Variants in HMGB1 observed in about 807,000 individuals in gnomAD.
HMGB1 encodes high mobility group box 1.
For synonymous variants in HMGB1, 81 were observed against 84.0 expected (o/e 0.96, Z 0.19); for missense variants, 79 against 253.5 (o/e 0.31, Z 4.67).
chr13:30,611,650 C>T (rs1186580078), intron 1 of HMGB1, among the ~76,000 whole-genome samples: 1 of 152,024 alleles, frequency 6.6e-6, no homozygotes, highest in Non-Finnish European at 1.5e-5. Context: ...TTTCATCCCG[C>T]CTTGTATGAA....
At chr13:30,545,918 T>A (rs534883567) in intron 1 of HMGB1, among the ~76,000 whole-genome samples, 107 of 152,162 alleles carry the variant, frequency 7.0e-4, no homozygotes, top group African/African-American at 2.4e-3. Flanking sequence ...CCCAAGCTGG[T>A]CTTGAACTCC....
chr13:30,472,366 C>A (rs1417336659), intron 1 of HMGB1, among the ~76,000 whole-genome samples: 1 of 150,892 alleles, frequency 6.6e-6, no homozygotes, highest in East Asian at 2.0e-4. Context: ...TTTGGGAGGC[C>A]GAGGCAGGCG....
intron 1 of HMGB1, among the ~76,000 whole-genome samples, chr13:30,503,889 A>G (rs150349969): frequency 1.7e-3 from 252 of 152,122 alleles, no homozygotes; most frequent in African/African-American, 5.8e-3. Context: ...ACCTGTGAAT[A>G]GCCACTGCAC....
At chr13:30,597,384 C>A (rs752691841) in intron 1 of HMGB1, among the ~76,000 whole-genome samples, 4 of 152,196 alleles carry the variant, frequency 2.6e-5, no homozygotes, top group Non-Finnish European at 5.9e-5. Flanking sequence ...TTCTCACAGT[C>A]CTCAGAAGAA....
At chr13:30,486,813 C>T (rs772940623) in intron 1 of HMGB1, among the ~76,000 whole-genome samples, 2 of 151,980 alleles carry the variant, frequency 1.3e-5, no homozygotes, top group Admixed American at 6.6e-5. Flanking sequence ...TTGTTGCTCT[C>T]GGTTGGGGTG....
chr13:30,610,707 G>C (rs1486115165), intron 1 of HMGB1, among the ~76,000 whole-genome samples: 2 of 150,992 alleles, frequency 1.3e-5, no homozygotes, highest in Admixed American at 6.6e-5. Context: ...AAGTTTAAAT[G>C]AGATCTGTAA....
In HMGB1 at chr13:30,600,280, C is replaced by G. The variant is rs2031275; in HGVS notation, c.-15+16391G>C. 8.5e-5 allele frequency among the ~76,000 whole-genome samples: 13 copies of G among 152,320 alleles called. No homozygotes were observed. In the South Asian group the frequency reaches 2.7e-3, roughly 32 times the overall value. Reference sequence around the variant, plus strand: ...CCTTAGGGTAGAACAGCTCAGATCACAGTCTTAAAATAAATTCCATCAGTA... The same window carrying G: ...CCTTAGGGTAGAACAGCTCAGATCAGAGTCTTAAAATAAATTCCATCAGTA... On this transcript the variant is annotated intron_variant, in intron 1 of 4. Coordinates refer to the HMGB1 transcript ENST00000405805.
At chr13:30,533,895 G>A (rs926440927) in intron 1 of HMGB1, among the ~76,000 whole-genome samples, 5 of 142,712 alleles carry the variant, frequency 3.5e-5, no homozygotes, top group Non-Finnish European at 3.0e-5. Flanking sequence ...ATGGAGTTTC[G>A]CTCTTGTTGC....
At chr13:30,593,823 T>G (rs1031532066) in intron 1 of HMGB1, among the ~76,000 whole-genome samples, 28 of 152,168 alleles carry the variant, frequency 1.8e-4, no homozygotes, top group African/African-American at 6.0e-4. Flanking sequence ...GGAGAGGTCT[T>G]TATTCTTCCA....
intron 1 of HMGB1, among the ~76,000 whole-genome samples, chr13:30,553,426 C>T (rs1869522662): frequency 1.3e-5 from 2 of 152,168 alleles, no homozygotes; most frequent in African/African-American, 2.4e-5. Context: ...TGACCTTGGG[C>T]ACATAATTTA....
At chr13:30,546,748 G>T (rs1452818699) in intron 1 of HMGB1, among the ~76,000 whole-genome samples, 1 of 151,536 alleles carries the variant, frequency 6.6e-6, no homozygotes, top group Non-Finnish European at 1.5e-5. Flanking sequence ...GCCTTTCAAA[G>T]TGCTGGGATT....
At position 30,460,063 on chromosome 13, in the gene HMGB1, A is replaced by G. The variant is rs1005854183; in HGVS notation, c.*1294T>C. ...AAAACGATAATCTCGAAAACCACAAAATTGCCAAATTGTTCCCTAAACTCC... is the reference window on the plus strand; with the variant it reads ...AAAACGATAATCTCGAAAACCACAAGATTGCCAAATTGTTCCCTAAACTCC... On this transcript the variant is annotated 3_prime_UTR_variant, in exon 5 of 5. Transcript: ENST00000341423. 1 of 152,594 alleles carries G rather than the reference A, an allele frequency of 6.6e-6. No homozygotes were observed. The highest frequency in any genetic ancestry group is 1.5e-5 in the Non-Finnish European group (1 of 67,992). 9.5% of individuals were successfully genotyped at this position (152,594 alleles called of 1,614,324 possible). A position where few individuals can be genotyped will look rare whatever the true frequency, so the allele number is the denominator to read the frequency against.
chr13:30,523,325 G>C (rs144700987), intron 1 of HMGB1, among the ~76,000 whole-genome samples: 1 of 152,338 alleles, frequency 6.6e-6, no homozygotes, highest in African/African-American at 2.4e-5. Flanking sequence ...GAGGTTAAGT[G>C]CTACAGCACC....
intron 1 of HMGB1, among the ~76,000 whole-genome samples, chr13:30,471,527 G>C (rs1356327491): frequency 7.2e-6 from 1 of 139,308 alleles, no homozygotes; most frequent in African/African-American, 2.7e-5. Context: ...TTTTTTTTTT[G>C]TATTTTTAGT....
At chr13:30,508,087 GA>G (rs1437046696) in intron 1 of HMGB1, among the ~76,000 whole-genome samples, 1 of 152,176 alleles carries the variant, frequency 6.6e-6, no homozygotes, top group Non-Finnish European at 1.5e-5. Context: ...CATACTGGAT[GA>G]AAAATTAAAA....
At chr13:30,502,958 T>C (rs536663836) in intron 1 of HMGB1, among the ~76,000 whole-genome samples, 2 of 152,168 alleles carry the variant, frequency 1.3e-5, no homozygotes, top group South Asian at 4.1e-4. Flanking sequence ...GCGTGAGCCA[T>C]GGCGTCCGGC....
chr13:30,475,134 C>CTTT (rs1565999369), intron 1 of HMGB1, among the ~76,000 whole-genome samples: 1 of 45,694 alleles, frequency 2.2e-5, no homozygotes, highest in African/African-American at 9.0e-5. Context: ...CTCTCTCTCT[C>CTTT]TCTCTTTTTT....
intron 1 of HMGB1, among the ~76,000 whole-genome samples, chr13:30,505,952 T>C (rs972464038): frequency 3.3e-5 from 5 of 151,996 alleles, no homozygotes; most frequent in African/African-American, 1.2e-4. Context: ...CTTGAACCCC[T>C]GGCGTCTGGT....
chr13:30,512,999 A>C (rs1035083325), intron 1 of HMGB1, among the ~76,000 whole-genome samples: 23 of 152,092 alleles, frequency 1.5e-4, no homozygotes, highest in Middle Eastern at 6.8e-3. Context: ...CCCATCTCTA[A>C]TACAAATACA....
Sources: gnomAD v4.1 joint callset for allele counts (sites outside exome capture counted in the v4.1 genomes callset) on GRCh38, gnomAD v4.1.1 for gene constraint, MANE v1.5 for transcripts, NCBI Gene and HGNC (gene_info 2026-07-23, HGNC 2026-07-21) for gene names.